FAM162B: variants seen among roughly 807,000 people sequenced by gnomAD.
FAM162B encodes protein FAM162B.
In FAM162B, 16 loss-of-function variants were observed where a neutral mutation model predicts 20.0. The ratio of observed to expected loss-of-function variants is 0.80; its 90% confidence interval spans 0.54 to 1.21. The LOEUF is 1.21. FAM162B is among the 50% of genes most tolerant of loss of function. The pLI is 0.00. For missense variants in FAM162B, 260 were observed against 227.5 expected, an observed-to-expected ratio of 1.14 and a Z score of -0.92; for synonymous variants, 83 against 89.7, an observed-to-expected ratio of 0.93 and a Z score of 0.42.
chr6:116,760,316 T>C (rs1780125549), intron 3 of FAM162B, among the ~76,000 whole-genome samples: 1 of 152,244 alleles, frequency 6.6e-6, no homozygotes, highest in South Asian at 2.1e-4. Context: ...AATAGAATTA[T>C]ATTTGAAATA....
intron 3 of FAM162B, 60 bp from the exon 4 acceptor site, chr6:116,752,755 T>TATATATATATATAC (rs71012341): frequency 8.3e-5 from 36 of 432,910 alleles, no homozygotes; most frequent in Middle Eastern, 8.1e-4. Context: ...TATATATATA[T>TATATATATATATAC]ATACATATAT....
chr6:116,757,095 A>G (rs1382090358), intron 3 of FAM162B, among the ~76,000 whole-genome samples: 1 of 152,230 alleles, frequency 6.6e-6, no homozygotes, highest in Non-Finnish European at 1.5e-5. Context: ...AAACTACTAT[A>G]TCTTCCAATT....
At chr6:116,755,359 C>T (rs574457864) in intron 3 of FAM162B, among the ~76,000 whole-genome samples, 2 of 152,260 alleles carry the variant, frequency 1.3e-5, no homozygotes, top group South Asian at 4.2e-4. Flanking sequence ...AAGCCAAAGC[C>T]TAATATGGAG....
chr6:116,764,703 C>A (rs562228679), intron 2 of FAM162B, among the ~76,000 whole-genome samples: 1 of 152,260 alleles, frequency 6.6e-6, no homozygotes, highest in East Asian at 1.9e-4. Context: ...CCCGCCACAG[C>A]CGCCCCGCAA....
chr6:116,765,046 G>T (rs1052770691), intron 2 of FAM162B, 101 bp downstream of exon 2: 2 of 1,070,886 alleles, frequency 1.9e-6, no homozygotes, highest in Non-Finnish European at 2.9e-6. Context: ...TTGGCACTGC[G>T]GCCGCTTTCG....
chr6:116,761,784 G>C (rs1239974210), intron 3 of FAM162B, among the ~76,000 whole-genome samples, 193 bp downstream of exon 3: 2 of 149,362 alleles, frequency 1.3e-5, no homozygotes, highest in Non-Finnish European at 3.0e-5. Context: ...AAGTCTCAAA[G>C]ACAAAATTGT....
intron 3 of FAM162B, among the ~76,000 whole-genome samples, chr6:116,759,964 TG>T (rs1780120135): frequency 6.6e-6 from 1 of 152,184 alleles, no homozygotes. Flanking sequence ...TGGCCTCTCC[TG>T]GGGTGTTACT....
intron 2 of FAM162B, among the ~76,000 whole-genome samples, chr6:116,762,467 G>C (rs1342599745): frequency 6.7e-6 from 1 of 150,244 alleles, no homozygotes; most frequent in African/African-American, 2.5e-5. Flanking sequence ...TTGTAAAGTA[G>C]GCTTTGTTTT....
At chr6:116,754,872 G>A (rs1218233002) in intron 3 of FAM162B, among the ~76,000 whole-genome samples, 1 of 152,032 alleles carries the variant, frequency 6.6e-6, no homozygotes, top group Non-Finnish European at 1.5e-5. Flanking sequence ...TCTGTAATCA[G>A]TGATTGCTGT....
intron 3 of FAM162B, among the ~76,000 whole-genome samples, chr6:116,758,002 G>A (rs1308845495): frequency 2.6e-5 from 4 of 152,138 alleles, no homozygotes; most frequent in African/African-American, 7.2e-5. Flanking sequence ...TTTGAAGAGG[G>A]AAGTAGAAAC....
chr6:116,753,758 G>C (rs1562466858), intron 3 of FAM162B, among the ~76,000 whole-genome samples: 1 of 152,126 alleles, frequency 6.6e-6, no homozygotes, highest in Non-Finnish European at 1.5e-5. Context: ...CAGAAGACTT[G>C]GTAAGATCCC....
At chr6:116,754,258 C>T (rs1456836382) in intron 3 of FAM162B, among the ~76,000 whole-genome samples, 1 of 152,126 alleles carries the variant, frequency 6.6e-6, no homozygotes, top group Non-Finnish European at 1.5e-5. Flanking sequence ...ATAGTTTTAG[C>T]AGCTCCAGTA....
intron 3 of FAM162B, 96 bp downstream of exon 3, chr6:116,761,881 G>C: frequency 1.2e-6 from 1 of 811,180 alleles, no homozygotes; most frequent in South Asian, 2.8e-5. Flanking sequence ...TGACTAAGGA[G>C]GTACTCACCC....
intron 2 of FAM162B, among the ~76,000 whole-genome samples, chr6:116,763,682 G>A (rs1260499207): frequency 6.6e-6 from 1 of 151,950 alleles, no homozygotes; most frequent in East Asian, 1.9e-4. Context: ...CAAACAATAT[G>A]CAATAATGTT....
chr6:116,753,588 T>C lies in FAM162B; in HGVS notation c.391-893A>G, dbSNP rs570066497. On this transcript the variant is annotated intron_variant, in intron 3 of 3. Coordinates refer to ENST00000368557, the MANE Select transcript of FAM162B (RefSeq NM_001085480.3). ...TGGCTCAGGGTTGTCTGGGGGAAGA[T>C]CTAGAGTTCAACTTTTGACACGTTA... Among the ~76,000 whole-genome samples the C allele has an allele frequency of 4.6e-5, 7 of 152,232 alleles. No individual in the cohort carries two copies. The South Asian group carries it at 1.2e-3, about 27-fold the overall frequency.
intron 2 of FAM162B, 101 bp from the exon 3 acceptor site, chr6:116,762,186 G>A: frequency 3.3e-6 from 3 of 900,312 alleles, no homozygotes; most frequent in Non-Finnish European, 4.9e-6. Flanking sequence ...AAAATTCCCT[G>A]AATGCAAACT....
chr6:116,761,822 T>C (rs1453176117), intron 3 of FAM162B, among the ~76,000 whole-genome samples, 155 bp downstream of exon 3: 1 of 151,600 alleles, frequency 6.6e-6, no homozygotes, highest in Non-Finnish European at 1.5e-5. Context: ...GCAGTAATCC[T>C]GAATCGAGAA....
chr6:116,762,161 A>T (rs184466763), intron 2 of FAM162B, 76 bp from the exon 3 acceptor site: 13 of 1,275,164 alleles, frequency 1.0e-5, no homozygotes, highest in Middle Eastern at 2.1e-4. Context: ...ATAATTTGCC[A>T]TGTAAACATT....
At chr6:116,764,666 T>A (rs956889836) in intron 2 of FAM162B, among the ~76,000 whole-genome samples, 1 of 151,898 alleles carries the variant, frequency 6.6e-6, no homozygotes, top group Non-Finnish European at 1.5e-5. Context: ...GGAGGCCGCA[T>A]GGATGCGTCT....
Sources: gnomAD v4.1 joint callset for allele counts (sites outside exome capture counted in the v4.1 genomes callset) on GRCh38, gnomAD v4.1.1 for gene constraint, MANE v1.5 for transcripts, NCBI Gene and HGNC (gene_info 2026-07-23, HGNC 2026-07-21) for gene names.